MDGA2: variants seen among roughly 807,000 people sequenced by gnomAD.
MDGA2 encodes MAM domain containing glycosylphosphatidylinositol anchor 2, also known as MAM domain-containing glycosylphosphatidylinositol anchor protein 2.
A neutral mutation model predicts 117.8 loss-of-function variants in MDGA2; 40 were observed. The ratio of observed to expected loss-of-function variants is 0.34; its 90% CI spans 0.26 to 0.44. The LOEUF is 0.44. Ranked by LOEUF, MDGA2 falls within the 20% of genes least tolerant of loss-of-function variation. The pLI is 1.00. For synonymous variants in MDGA2, 452 were observed against 439.0 expected, an observed-to-expected ratio of 1.03 and a Z score of -0.37; for missense variants, 1,123 against 1,250.6, an observed-to-expected ratio of 0.90 and a Z score of 1.54.
At chr14:47,427,850 T>C (rs1397992526) in intron 1 of MDGA2, among the ~76,000 whole-genome samples, 3 of 152,140 alleles carry the variant, frequency 2.0e-5, no homozygotes, top group Non-Finnish European at 2.9e-5. Context: ...GACAGATGTG[T>C]TTCTCATTAT....
chr14:47,616,044 G>A (rs1896943479), intron 1 of MDGA2, among the ~76,000 whole-genome samples: 2 of 152,162 alleles, frequency 1.3e-5, no homozygotes. Flanking sequence ...GAGTAGGAGC[G>A]AGAGAAAGTG....
At chr14:47,671,488 A>G (rs552649330) in intron 1 of MDGA2, among the ~76,000 whole-genome samples, 1 of 152,352 alleles carries the variant, frequency 6.6e-6, no homozygotes, top group Non-Finnish European at 1.5e-5. Context: ...ATAATGACAT[A>G]GTTCTCAATC....
intron 5 of MDGA2, among the ~76,000 whole-genome samples, chr14:47,126,500 C>G (rs1243188534): frequency 6.6e-6 from 1 of 152,068 alleles, no homozygotes; most frequent in East Asian, 1.9e-4. Flanking sequence ...TTAATTAACA[C>G]TTTCTCTGGC....
intron 3 of MDGA2, among the ~76,000 whole-genome samples, chr14:47,203,429 T>C (rs146951576): frequency 0.011 from 1,651 of 152,004 alleles, 32 homozygotes; most frequent in African/African-American, 0.037. Flanking sequence ...CAGAGAATGT[T>C]TGAATACACT....
chr14:46,916,857 T>C (rs1444530144), intron 10 of MDGA2, among the ~76,000 whole-genome samples: 1 of 152,104 alleles, frequency 6.6e-6, no homozygotes, highest in Non-Finnish European at 1.5e-5. Context: ...AAAAAAACGC[T>C]TATTTCTAAA....
intron 6 of MDGA2, among the ~76,000 whole-genome samples, chr14:47,081,149 A>G (rs1338017176): frequency 6.6e-6 from 1 of 152,134 alleles, no homozygotes; most frequent in Admixed American, 6.6e-5. Context: ...CCTTTAAAAA[A>G]TATTTAAAAT....
At chr14:47,493,132 C>A (rs1894207241) in intron 1 of MDGA2, among the ~76,000 whole-genome samples, 7 of 151,860 alleles carry the variant, frequency 4.6e-5, no homozygotes, top group Admixed American at 3.3e-4. Context: ...TTTAAACTAT[C>A]TTTGCAATCT....
intron 1 of MDGA2, among the ~76,000 whole-genome samples, chr14:47,539,856 T>C (rs1001474503): frequency 1.3e-5 from 2 of 152,216 alleles, no homozygotes; most frequent in African/African-American, 4.8e-5. Context: ...ATCTGGACCC[T>C]TGTTACTTCT....
chr14:47,540,313 C>T (rs891269149), intron 1 of MDGA2, among the ~76,000 whole-genome samples: 12 of 151,876 alleles, frequency 7.9e-5, no homozygotes, highest in Admixed American at 2.6e-4. Flanking sequence ...GTGCCCGGCC[C>T]ATCCACTTAT....
chr14:47,177,258 C>G (rs1884500588), intron 3 of MDGA2, among the ~76,000 whole-genome samples: 1 of 151,844 alleles, frequency 6.6e-6, no homozygotes, highest in African/African-American at 2.4e-5. Flanking sequence ...CCTCAGGGAT[C>G]TAGAACTAGA....
intron 2 of MDGA2, among the ~76,000 whole-genome samples, chr14:47,257,319 T>C (rs187262287): frequency 6.6e-6 from 1 of 152,126 alleles, no homozygotes; most frequent in Non-Finnish European, 1.5e-5. Flanking sequence ...CAGAGACCTT[T>C]CCCTTGCTGT....
intron 10 of MDGA2, among the ~76,000 whole-genome samples, chr14:46,886,516 T>G (rs985559502): frequency 1.3e-5 from 2 of 152,052 alleles, no homozygotes; most frequent in Non-Finnish European, 2.9e-5. Context: ...AAGATACTGT[T>G]TAAATAGGTT....
intron 8 of MDGA2, among the ~76,000 whole-genome samples, chr14:47,027,159 C>A (rs1311219239): frequency 6.6e-6 from 1 of 151,036 alleles, no homozygotes; most frequent in Non-Finnish European, 1.5e-5. Flanking sequence ...GAGACCCTGT[C>A]TCAAAAAATG....
intron 2 of MDGA2, among the ~76,000 whole-genome samples, chr14:47,229,176 G>A (rs929324982): frequency 7.9e-5 from 12 of 151,980 alleles, no homozygotes; most frequent in African/African-American, 1.4e-4. Flanking sequence ...ATAGTATACC[G>A]CATAAGCAGA....
At chr14:47,376,909 T>C (rs375283998) in intron 1 of MDGA2, among the ~76,000 whole-genome samples, 36 of 152,210 alleles carry the variant, frequency 2.4e-4, no homozygotes, top group Admixed American at 1.1e-3. Context: ...ATTGAAAAGA[T>C]TGACATGCTA....
intron 1 of MDGA2, among the ~76,000 whole-genome samples, chr14:47,412,243 A>T (rs1221111492): frequency 6.6e-6 from 1 of 152,204 alleles, no homozygotes; most frequent in African/African-American, 2.4e-5. Context: ...GCAGACAACT[A>T]TTTAGAAGAA....
At chr14:47,533,908 A>T (rs1895153433) in intron 1 of MDGA2, among the ~76,000 whole-genome samples, 1 of 152,226 alleles carries the variant, frequency 6.6e-6, no homozygotes, top group African/African-American at 2.4e-5. Context: ...AGCAAAAAGT[A>T]CAAATATGGC....
intron 2 of MDGA2, among the ~76,000 whole-genome samples, chr14:47,265,069 G>A (rs1887920863): frequency 6.6e-6 from 1 of 152,104 alleles, no homozygotes; most frequent in African/African-American, 2.4e-5. Flanking sequence ...TCGATTTGTA[G>A]CATTTGCCAA....
intron 1 of MDGA2, among the ~76,000 whole-genome samples, chr14:47,649,705 CAAAACA>C (rs1897602315): frequency 6.6e-6 from 1 of 150,870 alleles, no homozygotes; most frequent in African/African-American, 2.4e-5. Flanking sequence ...CAAAACAAAA[CAAAACA>C]AAAAAACCCC....
Sources: gnomAD v4.1 joint callset for allele counts (sites outside exome capture counted in the v4.1 genomes callset) on GRCh38, gnomAD v4.1.1 for gene constraint, MANE v1.5 for transcripts, NCBI Gene and HGNC (gene_info 2026-07-23, HGNC 2026-07-21) for gene names.